DSC3: variants seen among roughly 807,000 people sequenced by gnomAD.
DSC3 encodes desmocollin-3.
Under a neutral mutation model 89.5 loss-of-function variants are expected in DSC3, and 97 were observed. The observed-to-expected ratio is 1.08, with a 90% CI of 0.92 to 1.28. DSC3 has a LOEUF of 1.28. Ranked by LOEUF, DSC3 falls within the 50% of genes most tolerant of loss-of-function variation. DSC3 has a pLI of 0.00. For synonymous variants in DSC3, 436 were observed against 384.1 expected (o/e 1.14, Z -1.58); for missense variants, 1,199 against 1,085.3 (o/e 1.10, Z -1.47).
chr18:31,028,766 A>G (rs372443019), intron 4 of DSC3, among the ~76,000 whole-genome samples: 6 of 152,276 alleles, frequency 3.9e-5, no homozygotes, highest in African/African-American at 1.2e-4. Context: ...ACTAAACCTG[A>G]TCATGTCAGT....
chr18:31,005,459 T>C (rs897379720), intron 12 of DSC3, among the ~76,000 whole-genome samples: 6 of 152,220 alleles, frequency 3.9e-5, no homozygotes, highest in African/African-American at 1.4e-4. Flanking sequence ...GCATAATTGC[T>C]GTTGCCTACT....
At position 31,018,677 on chromosome 18, in the gene DSC3, T is replaced by A; in HGVS notation, c.1066A>T (p.Arg356Ter). The change falls in exon 8 of 16, where the codon AGA becomes TGA. Residue 356 changes from arginine (R) to a stop codon, truncating the protein, a stop_gained. Transcript: ENST00000360428. LOFTEE classifies it high-confidence loss of function. ...TDSNDNAPTF[R>*]QNAYEAFVEE... Reference sequence around the variant, plus strand: ...TATTATATACTTACAGCATTTTGTCTGAAAGTGGGTGCATTATCATTTGAA... The same window carrying A: ...TATTATATACTTACAGCATTTTGTCAGAAAGTGGGTGCATTATCATTTGAA... 2 of 1,613,172 alleles carry A rather than the reference T, an allele frequency of 1.2e-6. No individual in the cohort carries two copies. Among genetic ancestry groups the A allele is most frequent in the Non-Finnish European group, 1.7e-6 (2 of 1,179,840 alleles).
At chr18:31,005,960 A>G (rs542418132) in intron 12 of DSC3, among the ~76,000 whole-genome samples, 24 of 152,334 alleles carry the variant, frequency 1.6e-4, no homozygotes, top group Admixed American at 5.2e-4. Flanking sequence ...CATGAAAAAA[A>G]TATCATGCTC....
In DSC3 at chr18:31,007,020, G is replaced by T. The variant is rs1437309310; in HGVS notation, c.1775C>A (p.Thr592Asn). 2 of 1,613,526 alleles carry T rather than the reference G, an allele frequency of 1.2e-6. No individual in the cohort carries two copies. The highest frequency in any genetic ancestry group is 1.7e-6 in the Non-Finnish European group (2 of 1,179,608). ...VVICKPKMGY[T>N]DILAVDPDEP... is the part of the protein sequence containing the mutation. ...ATCAGGATCAACAGCTAAAATGTCGGTATACCCCATTTTTGGTTTGCAAAT... is the reference window on the plus strand; with the variant it reads ...ATCAGGATCAACAGCTAAAATGTCGTTATACCCCATTTTTGGTTTGCAAAT... The change falls in exon 12 of 16, where the codon ACC (threonine) becomes AAC (asparagine). Residue 592 changes from threonine (T) to asparagine (N), a missense_variant. Coordinates refer to ENST00000360428, the MANE Select transcript of DSC3 (RefSeq NM_001941.5).
At position 30,989,921 on chromosome 18, in the gene DSC3, A is replaced by G. The variant is rs1325467145; in HGVS notation, c.*4254T>C. The stretch of plus-strand genomic sequence containing the variant: ...TGCACATCCTGCACGTGTATCCTGG[A>G]ACTTAAAATAAAATAAGTGTTATCA... On this transcript the variant is annotated 3_prime_UTR_variant, in exon 16 of 16. Transcript: ENST00000360428. 8.1e-6 allele frequency: 1 copy of G among 122,734 alleles called. No homozygotes were observed. Among genetic ancestry groups the G allele is most frequent in the Non-Finnish European group, 1.7e-5 (1 of 59,528 alleles). The allele number at this position is 122,734 out of a possible 1,614,324, so 7.6% of individuals were successfully genotyped here.
intron 1 of DSC3, among the ~76,000 whole-genome samples, chr18:31,033,383 T>A (rs975395201): frequency 1.3e-5 from 2 of 152,026 alleles, no homozygotes; most frequent in African/African-American, 4.8e-5. Context: ...GCTACAATAA[T>A]CAAAACAGAG....
At position 31,018,769 on chromosome 18, in the gene DSC3, ACTT is replaced by A. The variant is rs1985319710; in HGVS notation, c.971_973del (p.Lys324_Val325delinsIle). 6.2e-7 allele frequency: 1 copy of A among 1,613,738 alleles called. No individual in the cohort carries two copies. Among genetic ancestry groups the A allele is most frequent in the Non-Finnish European group, 8.5e-7 (1 of 1,179,936 alleles). ...AAAAAACTGGCCATCCATGTCTTGT[ACTT>A]TCATTATCAATGAGTACTTGTCTAC... On this transcript the variant is annotated inframe_deletion, in exon 8 of 16. Coordinates refer to ENST00000360428, the MANE Select transcript of DSC3 (RefSeq NM_001941.5).
At chr18:31,042,544 A>T in intron 1 of DSC3, 48 bp downstream of exon 1, 1 of 1,525,040 alleles carries the variant, frequency 6.6e-7, no homozygotes, top group Non-Finnish European at 8.9e-7. Context: ...TCCAGGGCGG[A>T]TCCACCCCCG....
chr18:31,002,142 C>T (rs1984684862), intron 13 of DSC3, among the ~76,000 whole-genome samples: 2 of 152,162 alleles, frequency 1.3e-5, no homozygotes, highest in African/African-American at 4.8e-5. Context: ...AAACAGACTG[C>T]TTTCCTAGAA....
Position 30,991,920 on chromosome 18 carries a change from C to G in DSC3, c.*2255G>C, listed in dbSNP as rs949164195. 2 of 152,166 alleles carry G rather than the reference C, an allele frequency of 1.3e-5. No homozygotes were observed. The highest frequency in any genetic ancestry group is 2.4e-5 in the African/African-American group (1 of 41,428). The allele number at this position is 152,166 out of a possible 1,614,324, so 9.4% of individuals were successfully genotyped here. On this transcript the variant is annotated 3_prime_UTR_variant, in exon 16 of 16. Coordinates refer to ENST00000360428, the MANE Select transcript of DSC3 (RefSeq NM_001941.5). ...GTGGGTCATGCCTGTAATCCCAGCA[C>G]TTTGGGAGGCCGAGGCAGGCGGATC...
At chr18:31,018,337 T>A in intron 8 of DSC3, 81 bp from the exon 9 acceptor site, 1 of 1,021,336 alleles carries the variant, frequency 9.8e-7, no homozygotes, top group Non-Finnish European at 1.4e-6. Flanking sequence ...ATTCCAAAAA[T>A]ACTTACCATT....
At position 31,024,496 on chromosome 18, in the gene DSC3, G is replaced by T; in HGVS notation, c.631-3C>A. ...GCAGTTGACGCATAAGCAATCAACT[G>T]CAAAATAGCAAAAAGAAAGTTCCAT... On this transcript the variant is annotated splice_region_variant and splice_polypyrimidine_tract_variant and intron_variant, in intron 5 of 15. Transcript: ENST00000360428. 1 of 1,611,508 alleles carries T rather than the reference G, an allele frequency of 6.2e-7. No individual in the cohort carries two copies. The highest frequency in any genetic ancestry group is 8.5e-7 in the Non-Finnish European group (1 of 1,178,898).
In DSC3 at chr18:31,031,148, G is replaced by T. The variant is rs760194647; in HGVS notation, c.179C>A (p.Ser60Tyr). Residue 60 changes from serine to tyrosine, a missense_variant, in exon 3 of 16, where the codon TCT (serine) becomes TAT (tyrosine). Coordinates refer to ENST00000360428, the MANE Select transcript of DSC3 (RefSeq NM_001941.5). ...ATCACTTGACCGGATGAGGTCTGCA[G>T]ACCTGAAGCACTCTTCCAAATTAAC... The part of the protein sequence containing the change: ...GRVNLEECFR[S>Y]ADLIRSSDPD... 1 of 1,612,634 alleles carries T rather than the reference G, an allele frequency of 6.2e-7. No homozygotes were observed. Among genetic ancestry groups the T allele is most frequent in the Non-Finnish European group, 8.5e-7 (1 of 1,179,486 alleles).
rs1234765073 is a variant in DSC3 at position 31,032,597 on chromosome 18, CGTGT to C, written c.70-325_70-322del. 5.1e-3 allele frequency among the ~76,000 whole-genome samples: 593 copies of C among 116,246 alleles called. 5 individuals carry two copies. Among genetic ancestry groups the C allele is most frequent in the Middle Eastern group, 8.7e-3 (2 of 230 alleles). 76.3% of individuals were successfully genotyped at this position (116,246 alleles called of 152,430 possible). A position where few individuals can be genotyped will look rare whatever the true frequency, so the allele number is the denominator to read the frequency against. On this transcript the variant is annotated intron_variant, in intron 1 of 15. Transcript: ENST00000360428. Reference sequence around the variant, plus strand: ...GTGTGTGTGTGTGTGTGTGCGTGTGCGTGTGCGTGTGCGTGTGTGACTGAGTCTC... The same window carrying C: ...GTGTGTGTGTGTGTGTGTGCGTGTGCGCGTGTGCGTGTGTGACTGAGTCTC...
In DSC3 at chr18:31,042,622, G is replaced by C. The variant is rs542568969; in HGVS notation, c.39C>G (p.Ala13=). ...AAGPRRSVRG[A]VCLHLLLTLV... is the part of the protein sequence containing the mutation. ...GGGTCAGCAGCAGATGCAGGCAGAC[G>C]GCTCCGCGCACGGAGCGCCGGGGCC... The change falls in exon 1 of 16, where the codon GCC becomes GCG. Residue 13 remains alanine, a synonymous_variant. Transcript: ENST00000360428. 5 of 1,550,384 alleles carry C rather than the reference G, an allele frequency of 3.2e-6. No homozygotes were observed. Among genetic ancestry groups the C allele is most frequent in the East Asian group, 2.4e-5 (1 of 40,892 alleles).
intron 1 of DSC3, among the ~76,000 whole-genome samples, chr18:31,035,176 C>T (rs1311099364): frequency 1.3e-5 from 2 of 152,056 alleles, no homozygotes; most frequent in Non-Finnish European, 2.9e-5. Flanking sequence ...AATACTTTAA[C>T]TCACGGTAAC....
In DSC3 at chr18:31,042,676, G is replaced by A. The variant is rs541512498; in HGVS notation, c.-16C>T. The A allele has an allele frequency of 2.0e-5, 31 of 1,547,326 alleles. No individual in the cohort carries two copies. The African/African-American group carries it at 3.8e-4, about 19-fold the overall frequency. ...CGGCGGCCATCGGGATGCCGGGCAG[G>A]GCCAGGAGAACGCGGGCGCCGGGAG... is the stretch of plus-strand genomic sequence containing the variant. On this transcript the variant is annotated 5_prime_UTR_variant, in exon 1 of 16. Transcript: ENST00000360428.
intron 6 of DSC3, 36 bp downstream of exon 6, chr18:31,024,313 T>G (rs1323987355): frequency 6.5e-7 from 1 of 1,537,346 alleles, no homozygotes; most frequent in African/African-American, 1.4e-5. Flanking sequence ...CAGACATATT[T>G]AAAATGATTC....
rs911969999 is a variant in DSC3, at chr18:30,990,342, A to C, written c.*3833T>G. Reference sequence around the variant, plus strand: ...CCATGCTTCTCAACCATTATGACCCAATATTCAACCAAATCAATACTGAAG... The same window carrying C: ...CCATGCTTCTCAACCATTATGACCCCATATTCAACCAAATCAATACTGAAG... On this transcript the variant is annotated 3_prime_UTR_variant, in exon 16 of 16. Coordinates refer to ENST00000360428, the MANE Select transcript of DSC3 (RefSeq NM_001941.5). The C allele has an allele frequency of 1.3e-5, 2 of 152,198 alleles. No individual in the cohort carries two copies. Among genetic ancestry groups the C allele is most frequent in the Non-Finnish European group, 2.9e-5 (2 of 68,020 alleles). 9.4% of individuals were successfully genotyped at this position (152,198 alleles called of 1,614,324 possible).
Sources: gnomAD v4.1 joint callset for allele counts (sites outside exome capture counted in the v4.1 genomes callset) on GRCh38, gnomAD v4.1.1 for gene constraint, MANE v1.5 for transcripts, NCBI Gene and HGNC (gene_info 2026-07-23, HGNC 2026-07-21) for gene names.